Variants in GNL2 observed in about 807,000 individuals in gnomAD.
GNL2 encodes G protein nucleolar 2.
Under a neutral mutation model 92.3 loss-of-function variants are expected in GNL2, and 51 were observed. That is an observed-to-expected ratio of 0.55 (90% CI 0.44 to 0.70). The LOEUF (loss-of-function observed/expected upper bound fraction) is 0.70, where lower values mean the gene tolerates loss of function less well. Among genes scored for constraint, GNL2 ranks in the 30% least tolerant of loss-of-function variants. The probability of loss-of-function intolerance (pLI) is 0.00; values close to 1 mark genes in which losing one functional copy is unlikely to be tolerated. For missense variants in GNL2, 844 were observed against 895.6 expected (o/e 0.94, Z 0.74); for synonymous variants, 283 against 300.6 (o/e 0.94, Z 0.61).
intron 5 of GNL2, among the ~76,000 whole-genome samples, chr1:37,586,073 A>G (rs999546489): frequency 1.3e-5 from 2 of 152,202 alleles, no homozygotes; most frequent in African/African-American, 4.8e-5. Context: ...ATAAGGAAAA[A>G]CTATACACAG....
chr1:37,581,461 C>G (rs112076625), intron 8 of GNL2: 25,273 of 455,962 alleles, frequency 0.055, 945 homozygotes, highest in Non-Finnish European at 0.079. Flanking sequence ...AACCAGAGGA[C>G]ATAGAAGCTG....
chr1:37,594,277 A>G (rs1338649032), intron 1 of GNL2, among the ~76,000 whole-genome samples: 1 of 152,234 alleles, frequency 6.6e-6, no homozygotes, highest in African/African-American at 2.4e-5. Flanking sequence ...GCATTTGATC[A>G]CCATCTATGG....
chr1:37,587,193 G>C (rs764492476), intron 5 of GNL2, 118 bp downstream of exon 5: 29 of 691,290 alleles, frequency 4.2e-5, no homozygotes, highest in Non-Finnish European at 6.6e-5. Flanking sequence ...CTTGAACCTG[G>C]GAAGCGGAGG....
Position 37,568,927 on chromosome 1 carries a change from T to C in GNL2, c.1792A>G (p.Lys598Glu), listed in dbSNP as rs1643551031. 2 of 1,614,096 alleles carry C rather than the reference T, an allele frequency of 1.2e-6. No individual in the cohort carries two copies. The highest frequency in any genetic ancestry group is 1.7e-6 in the Non-Finnish European group (2 of 1,180,032). The change falls in exon 13 of 16, where the codon AAA becomes GAA. Residue 598 changes from lysine (K) to glutamate (E), a missense_variant. Lys to Glu is a moderately conservative substitution (Grantham distance 56). Transcript: ENST00000373062. ...NVGNDTKAVI[K>E]ALDEKIAKYQ... ...TTGGCAATCTTCTCATCCAGTGCTT[T>C]AATAACGGCTTTGGTGTCGTTTCCC...
intron 5 of GNL2, among the ~76,000 whole-genome samples, chr1:37,584,474 AAAAG>A (rs1299354532): frequency 7.6e-6 from 1 of 131,656 alleles, no homozygotes; most frequent in Non-Finnish European, 1.8e-5. Context: ...AAAAAAAAAA[AAAAG>A]AAGAAGAAAA....
intron 12 of GNL2, chr1:37,570,783 A>C (rs972919229): frequency 2.0e-5 from 3 of 152,236 alleles, no homozygotes; most frequent in Non-Finnish European, 4.4e-5. Flanking sequence ...GTATAAGGTA[A>C]GGAGGGGGAA....
At chr1:37,572,188 C>T (rs945179629) in intron 12 of GNL2, among the ~76,000 whole-genome samples, 40 of 152,134 alleles carry the variant, frequency 2.6e-4, no homozygotes, top group Non-Finnish European at 5.0e-4. Context: ...CCTCACAGCA[C>T]GCAAGACTTC....
At chr1:37,594,237 C>T (rs965856004) in intron 1 of GNL2, 49 of 165,540 alleles carry the variant, frequency 3.0e-4, no homozygotes, top group Non-Finnish European at 4.6e-4. Flanking sequence ...CAAACCGTTA[C>T]TAAATGGCAG....
At chr1:37,593,462 T>C in intron 2 of GNL2, 1 of 304,384 alleles carries the variant, frequency 3.3e-6, no homozygotes, top group Non-Finnish European at 6.1e-6. Flanking sequence ...GTAGGTTTTG[T>C]TATATCTGGC....
At chr1:37,574,618 A>G (rs1329600909) in intron 11 of GNL2, 47 bp downstream of exon 11, 1 of 1,579,490 alleles carries the variant, frequency 6.3e-7, no homozygotes, top group Non-Finnish European at 8.7e-7. Context: ...ATATACATAC[A>G]TGCTTGTGAC....
chr1:37,581,388 C>T (rs1270367776), intron 8 of GNL2: 2 of 455,950 alleles, frequency 4.4e-6, no homozygotes, highest in South Asian at 1.5e-5. Flanking sequence ...GGTTCCACGG[C>T]TTCCCTCAGG....
In GNL2 at chr1:37,581,245, C is replaced by T. The variant is rs867768749; in HGVS notation, c.909+978G>A. ...AACTAATGGCTATTGGAAGCATTTG[C>T]TTCTGTAAAGTGGGGAAGGGTGGGA... is the stretch of plus-strand genomic sequence containing the variant. On this transcript the variant is annotated intron_variant, in intron 8 of 15. Transcript: ENST00000373062. 2.1e-4 allele frequency: 84 copies of T among 407,838 alleles called. 1 individual carries two copies. The highest frequency in any genetic ancestry group is 4.6e-4 in the South Asian group (26 of 56,394). 25.3% of individuals were successfully genotyped at this position (407,838 alleles called of 1,614,324 possible).
At position 37,583,851 on chromosome 1, in the gene GNL2, AAT is replaced by A; in HGVS notation, c.636+14_636+15del. The A allele has an allele frequency of 7.0e-7, 1 of 1,438,742 alleles. No homozygotes were observed. The allele number at this position is 1,438,742 out of a possible 1,614,324, so 89.1% of individuals were successfully genotyped here. Reference sequence around the variant, plus strand: ...CCCAAGGAACCACTCAATGGGAGAGAATTTAGGAGTCTTACCTTGTAGAGCTC... The same window carrying A: ...CCCAAGGAACCACTCAATGGGAGAGATTAGGAGTCTTACCTTGTAGAGCTC... On this transcript the variant is annotated intron_variant, in intron 6 of 15. Coordinates refer to ENST00000373062, the MANE Select transcript of GNL2 (RefSeq NM_013285.3).
In GNL2 at chr1:37,575,471, A is replaced by T. The variant is rs114114251; in HGVS notation, c.1143+124T>A. 2.0e-3 allele frequency: 1,154 copies of T among 569,312 alleles called. 10 individuals carry two copies. Among genetic ancestry groups the T allele is most frequent in the African/African-American group, 0.018 (930 of 51,666 alleles). 35.3% of individuals were successfully genotyped at this position (569,312 alleles called of 1,614,324 possible). On this transcript the variant is annotated intron_variant, in intron 10 of 15. Transcript: ENST00000373062. The surrounding 1 kb of genome is among the most constrained non-coding windows in gnomAD (Gnocchi z 4.1). ...GGCTGCTGTTCAGCATCATGTTCCT[A>T]AAGTTTGGTCAGACAGGCTGACCCC...
intron 15 of GNL2, among the ~76,000 whole-genome samples, chr1:37,567,446 T>G (rs2076519): frequency 0.41 from 62,508 of 151,826 alleles, 13,706 homozygotes; most frequent in East Asian, 0.59. Flanking sequence ...CTCTAGAGGA[T>G]AGTCCACTCG....
intron 4 of GNL2, among the ~76,000 whole-genome samples, chr1:37,589,565 C>CA (rs1430744921): frequency 6.6e-6 from 1 of 152,202 alleles, no homozygotes; most frequent in Non-Finnish European, 1.5e-5. Flanking sequence ...CTTGGCTTCC[C>CA]AAAGTGCTGG....
Position 37,575,612 on chromosome 1 carries a change from T to C in GNL2, c.1126A>G (p.Ile376Val), listed in dbSNP as rs1444104231. The C allele has an allele frequency of 6.3e-7, 1 of 1,586,196 alleles. No individual in the cohort carries two copies. The highest frequency in any genetic ancestry group is 8.6e-7 in the Non-Finnish European group (1 of 1,169,544). ...ATACTCACAACTCCTTTTAGCACAA[T>C]GTCTGTCTCGGAGTCCTCAGAGGGG... ...VYPSEDSETD[I>V]VLKGVVQVEK... The change falls in exon 10 of 16, where the codon ATT becomes GTT. Residue 376 changes from isoleucine to valine, a missense_variant. Physicochemically the swap from Ile to Val is conservative, Grantham distance 29. Transcript: ENST00000373062. This position sits in a 1 kb window ranked among gnomAD's most constrained non-coding sequence, Gnocchi z 4.1.
chr1:37,569,359 T>C, intron 12 of GNL2, 57 bp from the exon 13 acceptor site: 1 of 1,200,678 alleles, frequency 8.3e-7, no homozygotes, highest in Non-Finnish European at 1.2e-6. Flanking sequence ...AAAATGGAAT[T>C]TCTGAACTCA....
chr1:37,586,416 T>C (rs963735743), intron 5 of GNL2, among the ~76,000 whole-genome samples: 6 of 152,162 alleles, frequency 3.9e-5, no homozygotes, highest in African/African-American at 1.4e-4. Context: ...AGCCGGTGAC[T>C]GATTCTCCTT....
Sources: allele counts gnomAD v4.1 joint callset (sites outside exome capture counted in the v4.1 genomes callset), GRCh38; gene constraint gnomAD v4.1.1; non-coding constraint Gnocchi (gnomAD v3.1); transcripts MANE v1.5; gene names NCBI Gene and HGNC (gene_info 2026-07-23, HGNC 2026-07-21).